SLC45A4: variants seen among roughly 807,000 people sequenced by gnomAD.
SLC45A4 encodes the protein solute carrier family 45 member 4.
SLC45A4 carries 32 observed loss-of-function variants against 63.7 expected under a neutral mutation model. The observed-to-expected ratio is 0.50, with a 90% CI of 0.38 to 0.67. SLC45A4 has a LOEUF of 0.67. Among genes scored for constraint, SLC45A4 ranks in the 30% least tolerant of loss-of-function variants. SLC45A4 has a pLI of 0.00. For missense variants in SLC45A4, 1,027 were observed against 1,157.7 expected (o/e 0.89, Z 1.64); for synonymous variants, 535 against 510.0 (o/e 1.05, Z -0.66).
Position 141,281,911 on chromosome 8 carries a change from C to T in SLC45A4, c.-401+26185G>A, listed in dbSNP as rs529996012. ...AGCCAGTGAAAGCCTGGCCCCCGTC[C>T]GGAGCTGCACGGCACCTTTCCTAAC... On this transcript the variant is annotated intron_variant, in intron 1 of 8. Coordinates refer to ENST00000517878, the MANE Select transcript of SLC45A4 (RefSeq NM_001286646.2). Among the ~76,000 whole-genome samples, 79 of 152,160 alleles carry T rather than the reference C, an allele frequency of 5.2e-4. 1 individual carries two copies. The highest frequency in any genetic ancestry group is 3.5e-4 in the Non-Finnish European group (24 of 68,030).
rs762706477 is a variant in SLC45A4, at chr8:141,218,631, C to A, written c.1009G>T (p.Asp337Tyr). ...LHDIEPSIFH[D>Y]ASYPATPRST... is the part of the protein sequence containing the mutation. ...CGGGGGGTGGCGGGGTAGGAGGCGT[C>A]GTGGAAGATGGAGGGCTCGATGTCG... is the stretch of plus-strand genomic sequence containing the variant. The change falls in exon 5 of 9, where the codon GAC (aspartate) becomes TAC (tyrosine). Residue 337 changes from aspartate to tyrosine, a missense_variant. Physicochemically the swap from Asp to Tyr is radical, Grantham distance 160 (BLOSUM62 -3). Transcript: ENST00000517878. The A allele has an allele frequency of 6.2e-7, 1 of 1,613,284 alleles. No individual in the cohort carries two copies. The highest frequency in any genetic ancestry group is 8.5e-7 in the Non-Finnish European group (1 of 1,179,900).
rs71504829 is a variant in SLC45A4 at position 141,256,859 on chromosome 8, CT to C, written c.-400-2231del. On this transcript the variant is annotated intron_variant, in intron 1 of 8. Coordinates refer to ENST00000517878, the MANE Select transcript of SLC45A4 (RefSeq NM_001286646.2). The surrounding 1 kb of genome is among the most constrained non-coding windows in gnomAD (Gnocchi z 4.3). ...TTTTTCAAAAAACTGTGTAATGAAA[CT>C]TTTTTTTTTTTTTGAGACAGTCTCG... 0.35 allele frequency: 104,893 copies of C among 303,168 alleles called. 7,710 individuals carry two copies. Among genetic ancestry groups the C allele is most frequent in the Non-Finnish European group, 0.38 (57,958 of 151,338 alleles). 18.8% of individuals were successfully genotyped at this position (303,168 alleles called of 1,614,324 possible).
At chr8:141,261,688 G>C (rs1829042782) in intron 1 of SLC45A4, among the ~76,000 whole-genome samples, 1 of 151,916 alleles carries the variant, frequency 6.6e-6, no homozygotes, top group Non-Finnish European at 1.5e-5. Context: ...ACCTCTTCAA[G>C]GAGAACTACA....
In SLC45A4 at chr8:141,218,592, C is replaced by T. The variant is rs1023594900; in HGVS notation, c.1048G>A (p.Glu350Lys). The T allele has an allele frequency of 6.2e-7, 1 of 1,613,490 alleles. No individual in the cohort carries two copies. Residue 350 changes from glutamate to lysine, a missense_variant, in exon 5 of 9, where the codon GAG (glutamate) becomes AAG (lysine). Glu to Lys is a moderately conservative substitution (Grantham distance 56). Transcript: ENST00000517878. ...YPATPRSTSQ[E>K]LAKTKLPRLA... ...CGGGGCAGCTTGGTCTTGGCGAGCT[C>T]CTGGCTGGTGCTGCGGGGGGTGGCG...
At chr8:141,264,932 C>A (rs866989073) in intron 1 of SLC45A4, among the ~76,000 whole-genome samples, 1 of 152,174 alleles carries the variant, frequency 6.6e-6, no homozygotes, top group Non-Finnish European at 1.5e-5. Context: ...AGACAGAACC[C>A]GTCTATCATG....
rs181989221 is a variant in SLC45A4, at chr8:141,264,409, G to A, written c.-400-9780C>T. 4.0e-3 allele frequency among the ~76,000 whole-genome samples: 604 copies of A among 152,268 alleles called. 10 individuals are homozygous for A. Among genetic ancestry groups the A allele is most frequent in the African/African-American group, 0.014 (578 of 41,544 alleles). On this transcript the variant is annotated intron_variant, in intron 1 of 8. Coordinates refer to ENST00000517878, the MANE Select transcript of SLC45A4 (RefSeq NM_001286646.2). ...CACCCATGTGCCTGTCTACCTAGCC[G>A]CGGGAGGCAGAGAGGCTGCCGGGAC...
intron 1 of SLC45A4, among the ~76,000 whole-genome samples, chr8:141,294,719 G>A (rs1311055165): frequency 2.0e-5 from 3 of 152,276 alleles, no homozygotes; most frequent in South Asian, 2.1e-4. Context: ...CACATGTGAA[G>A]ACAGAGGGCA....
chr8:141,275,590 T>C (rs573226094), intron 1 of SLC45A4, among the ~76,000 whole-genome samples: 1 of 150,572 alleles, frequency 6.6e-6, no homozygotes, highest in East Asian at 2.0e-4. Context: ...GCCTGGGCAA[T>C]ATAGTGAGAC....
At chr8:141,297,854 A>C (rs1387235038) in intron 1 of SLC45A4, among the ~76,000 whole-genome samples, 1 of 152,066 alleles carries the variant, frequency 6.6e-6, no homozygotes, top group African/African-American at 2.4e-5. Flanking sequence ...ACATTACCTC[A>C]TTTCATTTCA....
intron 1 of SLC45A4, among the ~76,000 whole-genome samples, chr8:141,274,540 A>AG (rs1378444972): frequency 3.0e-4 from 45 of 151,740 alleles, no homozygotes; most frequent in African/African-American, 1.1e-3. Flanking sequence ...GTCTCAAAAA[A>AG]AAAAAAAAAA....
At chr8:141,246,280 C>T (rs1323200256) in intron 2 of SLC45A4, among the ~76,000 whole-genome samples, 1 of 152,202 alleles carries the variant, frequency 6.6e-6, no homozygotes. Context: ...GCGTAACAAA[C>T]TGCACACCAC....
Position 141,218,225 on chromosome 8 carries a change from T to A in SLC45A4, c.1415A>T (p.Asn472Ile). Residue 472 changes from asparagine (N) to isoleucine (I), a missense_variant, in exon 5 of 9, where the codon AAC becomes ATC. By Grantham distance (149) the Asn-to-Ile change is moderately radical. Transcript: ENST00000517878. ...GCTGGAGGTGGTGGCCCCGCTCTGGTTCCGGTGCCGGTGCTGCCGCTGCCG... is the reference window on the plus strand; with the variant it reads ...GCTGGAGGTGGTGGCCCCGCTCTGGATCCGGTGCCGGTGCTGCCGCTGCCG... ...QKRQRQHRHR[N>I]QSGATTSSGD... The A allele has an allele frequency of 6.2e-7, 1 of 1,602,160 alleles. No homozygotes were observed. The highest frequency in any genetic ancestry group is 1.1e-5 in the South Asian group (1 of 91,054).
chr8:141,268,477 C>T (rs1213291814), intron 1 of SLC45A4, among the ~76,000 whole-genome samples: 1 of 152,188 alleles, frequency 6.6e-6, no homozygotes, highest in East Asian at 1.9e-4. Flanking sequence ...CCACTGCAGG[C>T]TCATCCACCG....
In SLC45A4 at chr8:141,212,301, G is replaced by A. The variant is rs868043810; in HGVS notation, c.2197C>T (p.Pro733Ser). ...CCGGCCCTGCCTTCGCCGGCCAACG[G>A]GGAAGACAGGCCTTTCTGCTCCTCC... ...AKEEQKGLSS[P>S]LAGEGRAGGN... The change falls in exon 8 of 9, where the codon CCG becomes TCG. Residue 733 changes from proline to serine, a missense_variant. Transcript: ENST00000517878. The A allele has an allele frequency of 6.2e-7, 1 of 1,609,248 alleles. No individual in the cohort carries two copies. The highest frequency in any genetic ancestry group is 1.7e-4 in the Middle Eastern group (1 of 6,038).
chr8:141,247,955 AG>A (rs1256320958), intron 2 of SLC45A4, among the ~76,000 whole-genome samples: 1 of 152,246 alleles, frequency 6.6e-6, no homozygotes, highest in African/African-American at 2.4e-5. Context: ...TGCCAGATGG[AG>A]GGGGAATCCC....
chr8:141,291,828 G>C (rs1468859897), intron 1 of SLC45A4, among the ~76,000 whole-genome samples: 1 of 152,180 alleles, frequency 6.6e-6, no homozygotes, highest in Non-Finnish European at 1.5e-5. Flanking sequence ...AAGTAACCCA[G>C]GACAGACCCA....
intron 1 of SLC45A4, among the ~76,000 whole-genome samples, chr8:141,295,594 C>T (rs1001816808): frequency 5.3e-5 from 8 of 152,312 alleles, no homozygotes; most frequent in Middle Eastern, 6.8e-3. Context: ...ACTTCCACAA[C>T]ACAGCACCCA....
chr8:141,275,223 G>A lies in SLC45A4; in HGVS notation c.-400-20594C>T, dbSNP rs536302068. 9.2e-5 allele frequency among the ~76,000 whole-genome samples: 14 copies of A among 152,286 alleles called. 1 individual carries two copies. In the South Asian group the frequency reaches 2.9e-3, roughly 32 times the overall value. On this transcript the variant is annotated intron_variant, in intron 1 of 8. Coordinates refer to ENST00000517878, the MANE Select transcript of SLC45A4 (RefSeq NM_001286646.2). ...AGCAGCCCCTCATTTATCTGGAAAAGTCAGCTGTTCAGAACCAAGCGTTTT... is the reference window on the plus strand; with the variant it reads ...AGCAGCCCCTCATTTATCTGGAAAAATCAGCTGTTCAGAACCAAGCGTTTT...
intron 6 of SLC45A4, among the ~76,000 whole-genome samples, chr8:141,216,223 C>T (rs1016106739): frequency 1.3e-5 from 2 of 152,216 alleles, no homozygotes; most frequent in African/African-American, 2.4e-5. Flanking sequence ...ACCCCATAAC[C>T]CCGCCCTTCC....
Sources: allele counts gnomAD v4.1 joint callset (sites outside exome capture counted in the v4.1 genomes callset), GRCh38; gene constraint gnomAD v4.1.1; non-coding constraint Gnocchi (gnomAD v3.1); transcripts MANE v1.5; gene names NCBI Gene and HGNC (gene_info 2026-07-23, HGNC 2026-07-21).